The following NMT1 variants were observed in gnomAD, a reference collection of about 807,000 sequenced individuals.
NMT1 encodes glycylpeptide N-tetradecanoyltransferase 1.
Under a neutral mutation model 63.4 loss-of-function variants are expected in NMT1, and 12 were observed. The observed-to-expected ratio is 0.19, with a 90% CI of 0.12 to 0.31. NMT1 has a LOEUF of 0.31. Among genes scored for constraint, NMT1 ranks in the 10% least tolerant of loss-of-function variants. NMT1 has a pLI of 1.00. For synonymous variants in NMT1, 228 were observed against 234.3 expected (o/e 0.97, Z 0.25); for missense variants, 432 against 634.6 (o/e 0.68, Z 3.43).
chr17:45,070,722 T>A (rs2053934667), intron 1 of NMT1, among the ~76,000 whole-genome samples: 1 of 152,152 alleles, frequency 6.6e-6, no homozygotes, highest in African/African-American at 2.4e-5. Context: ...TGGCCAATTT[T>A]TGTAATTTTT....
intron 1 of NMT1, among the ~76,000 whole-genome samples, chr17:45,078,875 C>T (rs939656172): frequency 4.6e-5 from 7 of 152,052 alleles, no homozygotes; most frequent in Admixed American, 2.0e-4. Flanking sequence ...GTTGCCCAGG[C>T]TGGTCTCAAA....
At chr17:45,074,213 A>G (rs1036258100) in intron 1 of NMT1, among the ~76,000 whole-genome samples, 4 of 131,380 alleles carry the variant, frequency 3.0e-5, no homozygotes, top group African/African-American at 1.3e-4. Context: ...TCATTAAAAG[A>G]TGACTTTTTT....
intron 8 of NMT1, chr17:45,099,854 C>T (rs776096260): frequency 8.0e-5 from 20 of 251,104 alleles, no homozygotes; most frequent in African/African-American, 1.5e-4. Flanking sequence ...CACGGCAGCG[C>T]GTTCCAAAGC....
chr17:45,072,640 A>G (rs2053949313), intron 1 of NMT1, among the ~76,000 whole-genome samples: 1 of 148,956 alleles, frequency 6.7e-6, no homozygotes. Context: ...GCTCACTGCA[A>G]GCTCCGCCTC....
Position 45,104,422 on chromosome 17 carries a change from T to C in NMT1, c.1333-437T>C. ...CAGTCTCCAAGCAACACAGCAGGTG[T>C]CATACAACATGAGGTGCACTGAGGG... On this transcript the variant is annotated intron_variant, in intron 10 of 11. Coordinates refer to ENST00000258960, the MANE Select transcript of NMT1 (RefSeq NM_021079.5). This position sits in a 1 kb window ranked among gnomAD's most constrained non-coding sequence, Gnocchi z 4.2. The C allele has an allele frequency of 9.0e-7, 1 of 1,111,130 alleles. No homozygotes were observed. The allele number at this position is 1,111,130 out of a possible 1,614,324, so 68.8% of individuals were successfully genotyped here. A position where few individuals can be genotyped will look rare whatever the true frequency, so the allele number is the denominator to read the frequency against.
chr17:45,091,691 G>A (rs959314139), intron 3 of NMT1, among the ~76,000 whole-genome samples: 10 of 152,098 alleles, frequency 6.6e-5, no homozygotes, highest in African/African-American at 1.7e-4. Context: ...AGTTGGAAGC[G>A]GATTGACTTA....
Position 45,105,739 on chromosome 17 carries a change from T to C in NMT1, c.*100T>C. The stretch of plus-strand genomic sequence containing the variant: ...CAATTTTCACACACGTGAGAATCCC[T>C]GGCAAAGGGAGCAGAACTGAACCGG... On this transcript the variant is annotated 3_prime_UTR_variant, in exon 12 of 12. Coordinates refer to ENST00000258960, the MANE Select transcript of NMT1 (RefSeq NM_021079.5). The surrounding 1 kb of genome is among the most constrained non-coding windows in gnomAD (Gnocchi z 4.2). The C allele has an allele frequency of 7.9e-7, 1 of 1,260,892 alleles. No homozygotes were observed. Among genetic ancestry groups the C allele is most frequent in the Non-Finnish European group, 1.1e-6 (1 of 873,972 alleles). The allele number at this position is 1,260,892 out of a possible 1,614,324, so 78.1% of individuals were successfully genotyped here. A position where few individuals can be genotyped will look rare whatever the true frequency, so the allele number is the denominator to read the frequency against.
intron 1 of NMT1, among the ~76,000 whole-genome samples, chr17:45,076,640 C>T (rs549808389): frequency 2.6e-4 from 40 of 151,710 alleles, no homozygotes; most frequent in African/African-American, 9.2e-4. Flanking sequence ...ATCCCAACTA[C>T]TTGGGAAGCT....
At chr17:45,082,254 T>C (rs1480661381) in intron 2 of NMT1, among the ~76,000 whole-genome samples, 1 of 151,250 alleles carries the variant, frequency 6.6e-6, no homozygotes. Flanking sequence ...TGCAGGTGCA[T>C]GCCACCACAC....
rs577442446 is a variant in NMT1 at position 45,100,514 on chromosome 17, G to C, written c.993+1001G>C. ...ACCCGGGAGGTGGAGCTTGCAGTGA[G>C]CCAAGATCACGTCATTGCACTCCAG... On this transcript the variant is annotated intron_variant, in intron 8 of 11. Transcript: ENST00000258960. Among the ~76,000 whole-genome samples the C allele has an allele frequency of 8.6e-5, 13 of 151,516 alleles. No individual in the cohort carries two copies. In the East Asian group the frequency reaches 2.6e-3, roughly 30 times the overall value.
At chr17:45,084,523 C>T (rs937889452) in intron 2 of NMT1, among the ~76,000 whole-genome samples, 3 of 151,760 alleles carry the variant, frequency 2.0e-5, no homozygotes, top group Non-Finnish European at 4.4e-5. Flanking sequence ...TTAGTAGGGA[C>T]GGGGTTTCAC....
intron 1 of NMT1, among the ~76,000 whole-genome samples, chr17:45,063,317 G>A (rs529407900): frequency 6.6e-6 from 1 of 151,694 alleles, no homozygotes; most frequent in South Asian, 2.1e-4. Context: ...CAGATCTAAT[G>A]TAATAAAAGT....
chr17:45,073,036 A>G (rs1303400438), intron 1 of NMT1, among the ~76,000 whole-genome samples: 1 of 152,054 alleles, frequency 6.6e-6, no homozygotes, highest in African/African-American at 2.4e-5. Context: ...ATTTTAGTCT[A>G]TTATGCCTGT....
intron 8 of NMT1, 67 bp from the exon 9 acceptor site, chr17:45,102,884 G>T: frequency 1.4e-6 from 2 of 1,460,874 alleles, no homozygotes; most frequent in Non-Finnish European, 1.9e-6. Flanking sequence ...GGCCTGATCT[G>T]TCCTTGCCAT....
intron 1 of NMT1, 58 bp from the exon 2 acceptor site, chr17:45,081,586 G>T: frequency 1.4e-6 from 2 of 1,445,934 alleles, no homozygotes; most frequent in Non-Finnish European, 1.9e-6. Flanking sequence ...TCTTTGTCAG[G>T]GGTAGCACAA....
At chr17:45,091,187 G>GACACACACAC (rs3062356) in intron 3 of NMT1, among the ~76,000 whole-genome samples, 5,501 of 120,972 alleles carry the variant, frequency 0.045, 262 homozygotes, top group Middle Eastern at 0.084. Context: ...GGTCTTTCCT[G>GACACACACAC]ACACACACAC....
intron 1 of NMT1, among the ~76,000 whole-genome samples, chr17:45,073,108 C>T (rs534765371): frequency 2.0e-4 from 31 of 152,072 alleles, no homozygotes; most frequent in Admixed American, 2.0e-3. Context: ...CAACTAGAGG[C>T]GCTGTGGGAA....
intron 8 of NMT1, among the ~76,000 whole-genome samples, chr17:45,102,286 C>T (rs2054171361): frequency 6.6e-6 from 1 of 152,214 alleles, no homozygotes; most frequent in African/African-American, 2.4e-5. Flanking sequence ...GGATGTTCTA[C>T]CAGCCCCGGT....
chr17:45,104,798 T>G lies in NMT1; in HGVS notation c.1333-61T>G, dbSNP rs1598021441. The G allele has an allele frequency of 1.2e-6, 2 of 1,600,140 alleles. No homozygotes were observed. Among genetic ancestry groups the G allele is most frequent in the Admixed American group, 1.7e-5 (1 of 59,408 alleles). ...CAGCTTTGAAATGGCAGCAAAGGGGTAGGAAGGAGGCTGTCCCCACCTGTC... is the reference window on the plus strand; with the variant it reads ...CAGCTTTGAAATGGCAGCAAAGGGGGAGGAAGGAGGCTGTCCCCACCTGTC... On this transcript the variant is annotated intron_variant, in intron 10 of 11. Coordinates refer to ENST00000258960, the MANE Select transcript of NMT1 (RefSeq NM_021079.5). This position sits in a 1 kb window ranked among gnomAD's most constrained non-coding sequence, Gnocchi z 4.2.
Sources: gnomAD v4.1 joint callset for allele counts (sites outside exome capture counted in the v4.1 genomes callset) on GRCh38, gnomAD v4.1.1 for gene constraint, Gnocchi (gnomAD v3.1) non-coding constraint, MANE v1.5 for transcripts, NCBI Gene and HGNC (gene_info 2026-07-23, HGNC 2026-07-21) for gene names.